TRAPPC11: variants seen among roughly 807,000 people sequenced by gnomAD.
TRAPPC11 encodes trafficking protein particle complex subunit 11.
In TRAPPC11, 104 loss-of-function variants were observed where a neutral mutation model predicts 151.2. The observed-to-expected ratio is 0.69, with a 90% confidence interval of 0.59 to 0.81. The LOEUF (loss-of-function observed/expected upper bound fraction) is 0.81, where lower values mean the gene tolerates loss of function less well. Among genes scored for constraint, TRAPPC11 ranks in the 30% least tolerant of loss-of-function variants. The pLI is 0.00. For missense variants in TRAPPC11, 1,230 were observed against 1,349.6 expected, an observed-to-expected ratio of 0.91 and a Z score of 1.39; for synonymous variants, 456 against 472.3, an observed-to-expected ratio of 0.97 and a Z score of 0.45.
intron 13 of TRAPPC11, 23 bp downstream of exon 13, chr4:183,684,246 A>G (rs374826594): frequency 1.1e-5 from 17 of 1,612,950 alleles, no homozygotes; most frequent in Admixed American, 1.7e-5. Flanking sequence ...AAACGTCACC[A>G]TTGCATGCAA....
chr4:183,685,467 G>T, intron 17 of TRAPPC11, 64 bp downstream of exon 17: 1 of 1,507,478 alleles, frequency 6.6e-7, no homozygotes, highest in Non-Finnish European at 9.1e-7. Context: ...AAATGAATAG[G>T]TGCAGAATAA....
rs139113789 is a variant in TRAPPC11, at chr4:183,693,949, G to T, written c.2419G>T (p.Val807Leu). The T allele has an allele frequency of 2.5e-6, 4 of 1,613,834 alleles. No homozygotes were observed. In the Admixed American group the frequency reaches 5.0e-5, roughly 20 times the overall value. ...QDANLTQKTH[V>L]TLHGTELCDE... ...TGCCAATTTAACTCAGAAGACTCACGTGACTCTTCATGGAACAGAACTGTG... is the reference window on the plus strand; with the variant it reads ...TGCCAATTTAACTCAGAAGACTCACTTGACTCTTCATGGAACAGAACTGTG... Residue 807 changes from valine to leucine, a missense_variant, in exon 22 of 30, where the codon GTG becomes TTG. Coordinates refer to ENST00000334690, the MANE Select transcript of TRAPPC11 (RefSeq NM_021942.6).
chr4:183,666,177 C>T, intron 2 of TRAPPC11, 80 bp from the exon 3 acceptor site: 2 of 1,321,110 alleles, frequency 1.5e-6, no homozygotes, highest in African/African-American at 1.5e-5. Context: ...GAGATCAATG[C>T]ACATAAAGTG....
intron 27 of TRAPPC11, among the ~76,000 whole-genome samples, chr4:183,705,468 G>A (rs1737008998): frequency 6.6e-6 from 1 of 152,050 alleles, no homozygotes; most frequent in Non-Finnish European, 1.5e-5. Context: ...TGATGGATAA[G>A]TCTTATACTA....
chr4:183,673,741 A>G (rs1735271330), intron 5 of TRAPPC11, among the ~76,000 whole-genome samples: 1 of 152,212 alleles, frequency 6.6e-6, no homozygotes, highest in South Asian at 2.1e-4. Context: ...CTAGAAAATC[A>G]AATATAAAAT....
In TRAPPC11 at chr4:183,704,955, A is replaced by G. The variant is rs752529768; in HGVS notation, c.2964-24A>G. ...TAAAAAGATGTTTAAAAAGAGTTTA[A>G]AAAGATGACCTCTTCTGCCACAGGA... On this transcript the variant is annotated intron_variant, in intron 26 of 29. Coordinates refer to ENST00000334690, the MANE Select transcript of TRAPPC11 (RefSeq NM_021942.6). 3.3e-6 allele frequency: 5 copies of G among 1,496,236 alleles called. No homozygotes were observed. In the Admixed American group the frequency reaches 8.5e-5, roughly 25 times the overall value. 92.7% of individuals were successfully genotyped at this position (1,496,236 alleles called of 1,614,324 possible).
chr4:183,667,228 C>T (rs1467304543), intron 4 of TRAPPC11, 98 bp downstream of exon 4: 5 of 873,238 alleles, frequency 5.7e-6, no homozygotes, highest in Non-Finnish European at 9.3e-6. Context: ...TTTATGCATT[C>T]AGTTATGGGG....
chr4:183,694,561 T>C (rs1212732935), intron 22 of TRAPPC11, 43 bp from the exon 23 acceptor site: 4 of 1,567,526 alleles, frequency 2.6e-6, no homozygotes, highest in East Asian at 2.3e-5. Flanking sequence ...CAAGAAGAAA[T>C]GTCTGTAATA....
intron 29 of TRAPPC11, among the ~76,000 whole-genome samples, chr4:183,711,284 T>A (rs570149291): frequency 6.6e-6 from 1 of 152,174 alleles, no homozygotes; most frequent in Non-Finnish European, 1.5e-5. Context: ...TCAGTTTAAA[T>A]TAAATTTGCT....
chr4:183,687,570 C>T (rs1174694525), intron 18 of TRAPPC11, among the ~76,000 whole-genome samples: 2 of 152,088 alleles, frequency 1.3e-5, no homozygotes, highest in African/African-American at 4.8e-5. Flanking sequence ...CTCCAGTGAT[C>T]CACCAACCTC....
In TRAPPC11 at chr4:183,706,857, C is replaced by T. The variant is rs2111101810; in HGVS notation, c.3106C>T (p.Leu1036=). 1 of 1,614,104 alleles carries T rather than the reference C, an allele frequency of 6.2e-7. No homozygotes were observed. The highest frequency in any genetic ancestry group is 1.7e-5 in the Admixed American group (1 of 60,002). ...VRESLPVKYH[L]QNKTDLVQDV... ...AGAGTCGTTACCTGTCAAGTATCAC[C>T]TACAGAATAAGACCGACTTAGTTCA... The change falls in exon 28 of 30, where the codon CTA becomes TTA. Residue 1036 remains leucine (L), a synonymous_variant. Coordinates refer to ENST00000334690, the MANE Select transcript of TRAPPC11 (RefSeq NM_021942.6).
intron 1 of TRAPPC11, among the ~76,000 whole-genome samples, chr4:183,661,430 G>T (rs541273651): frequency 7.2e-6 from 1 of 138,050 alleles, no homozygotes; most frequent in Admixed American, 8.2e-5. Flanking sequence ...GGAGTGCAGT[G>T]GCGCGATCTC....
Position 183,708,475 on chromosome 4 carries a change from A to C in TRAPPC11, c.3258A>C (p.Gly1086=). Residue 1086 remains glycine (G), a synonymous_variant, in exon 29 of 30, where the codon GGA becomes GGC. Coordinates refer to ENST00000334690, the MANE Select transcript of TRAPPC11 (RefSeq NM_021942.6). ...ATAATTTCTATCCTCTGATGGCTGG[A>C]TACCAGCAGCTGCCATCTCTCAACA... ...MLYNFYPLMA[G]YQQLPSLNIN... 6.2e-7 allele frequency: 1 copy of C among 1,614,132 alleles called. No homozygotes were observed. The highest frequency in any genetic ancestry group is 1.1e-5 in the South Asian group (1 of 91,088).
At chr4:183,709,548 G>A (rs905958040) in intron 29 of TRAPPC11, among the ~76,000 whole-genome samples, 4 of 152,148 alleles carry the variant, frequency 2.6e-5, no homozygotes, top group African/African-American at 9.7e-5. Flanking sequence ...GGCCGAGGCG[G>A]GCAGATCATA....
intron 2 of TRAPPC11, 170 bp from the exon 3 acceptor site, chr4:183,666,087 C>A: frequency 1.9e-6 from 1 of 517,022 alleles, no homozygotes. Flanking sequence ...GTTGAGATTC[C>A]ACCTTCAACA....
intron 18 of TRAPPC11, among the ~76,000 whole-genome samples, chr4:183,687,376 G>T (rs1334705890): frequency 6.6e-6 from 1 of 151,552 alleles, no homozygotes; most frequent in Admixed American, 6.6e-5. Flanking sequence ...GTCTCGCTCT[G>T]TTGCCCAGGC....
chr4:183,686,701 C>T lies in TRAPPC11; in HGVS notation c.1846C>T (p.Pro616Ser). 1.2e-6 allele frequency: 2 copies of T among 1,614,030 alleles called. No individual in the cohort carries two copies. Among genetic ancestry groups the T allele is most frequent in the Non-Finnish European group, 1.7e-6 (2 of 1,179,960 alleles). The part of the protein sequence containing the change: ...QFDIYLKADC[P>S]HPIRFSKLCV... ...TGATATTTATCTGAAGGCTGATTGT[C>T]CACATCCCATTAGGTTTTCCAAGCT... is the stretch of plus-strand genomic sequence containing the variant. The change falls in exon 18 of 30, where the codon CCA becomes TCA. Residue 616 changes from proline to serine, a missense_variant. Physicochemically the swap from Pro to Ser is moderately conservative, Grantham distance 74 (BLOSUM62 -1). Transcript: ENST00000334690.
At position 183,708,470 on chromosome 4, in the gene TRAPPC11, G is replaced by T. The variant is rs1319124548; in HGVS notation, c.3253G>T (p.Ala1085Ser). Residue 1085 changes from alanine to serine, a missense_variant, in exon 29 of 30, where the codon GCT (alanine) becomes TCT (serine). By Grantham distance (99) the Ala-to-Ser change is moderately conservative. Transcript: ENST00000334690. The part of the protein sequence containing the change: ...EMLYNFYPLM[A>S]GYQQLPSLNI... ...GCTATATAATTTCTATCCTCTGATGGCTGGATACCAGCAGCTGCCATCTCT... is the reference window on the plus strand; with the variant it reads ...GCTATATAATTTCTATCCTCTGATGTCTGGATACCAGCAGCTGCCATCTCT... 3 of 1,614,068 alleles carry T rather than the reference G, an allele frequency of 1.9e-6. No homozygotes were observed. Among genetic ancestry groups the T allele is most frequent in the Admixed American group, 3.3e-5 (2 of 60,014 alleles).
chr4:183,664,229 A>G (rs1734725108), intron 2 of TRAPPC11, among the ~76,000 whole-genome samples, 158 bp downstream of exon 2: 2 of 152,268 alleles, frequency 1.3e-5, no homozygotes, highest in Non-Finnish European at 1.5e-5. Flanking sequence ...CACTGCATGT[A>G]TATTTAATAA....
Sources: allele counts gnomAD v4.1 joint callset (sites outside exome capture counted in the v4.1 genomes callset), GRCh38; gene constraint gnomAD v4.1.1; transcripts MANE v1.5; gene names NCBI Gene and HGNC (gene_info 2026-07-23, HGNC 2026-07-21).